RAI2: variants seen among roughly 807,000 people sequenced by gnomAD.
RAI2 encodes the protein retinoic acid induced 2, also known as retinoic acid-induced protein 2.
In RAI2, 5 loss-of-function variants were observed where a neutral mutation model predicts 15.3. The observed-to-expected ratio is 0.33, with a 90% confidence interval of 0.17 to 0.69. RAI2 has a LOEUF of 0.69. RAI2 is among the 30% of genes least tolerant of loss of function. The probability of loss-of-function intolerance (pLI) is 0.69; values close to 1 mark genes in which losing one functional copy is unlikely to be tolerated. For synonymous variants in RAI2, 191 were observed against 184.0 expected (o/e 1.04, Z -0.31); for missense variants, 424 against 424.7 (o/e 1.00, Z 0.01).
Position 17,849,318 on chromosome X carries a change from G to A in RAI2, c.-25+11780C>T, listed in dbSNP as rs1378360340. Among the ~76,000 whole-genome samples the A allele has an allele frequency of 6.2e-5, 7 of 112,655 alleles. No homozygotes were observed. The East Asian group carries it at 1.9e-3, about 31-fold the overall frequency. ...TTCCTCAGCCACTTACTTGTAGCTA[G>A]TGGCTACCATACTGGACTGTGCATA... On this transcript the variant is annotated intron_variant, in intron 1 of 1. Transcript: ENST00000451717.
intron 1 of RAI2, among the ~76,000 whole-genome samples, chrX:17,803,796 C>A (rs2066947643): frequency 9.0e-6 from 1 of 111,612 alleles, no homozygotes; most frequent in African/African-American, 3.3e-5. Context: ...ACCCAGCATG[C>A]TGGCCAGTAA....
Position 17,821,413 on chromosome X carries a change from C to T in RAI2, c.-24-19379G>A, listed in dbSNP as rs761557341. Among the ~76,000 whole-genome samples the T allele has an allele frequency of 1.3e-4, 14 of 110,669 alleles. No homozygotes were observed. In the South Asian group the frequency reaches 3.5e-3, roughly 28 times the overall value. ...TAAGTGGACTGAGAGTGACAGGGAG[C>T]AGGGTGTGGGGAAGGGCCTGCTTTG... is the stretch of plus-strand genomic sequence containing the variant. On this transcript the variant is annotated intron_variant, in intron 1 of 1. Coordinates refer to ENST00000451717, the MANE Select transcript of RAI2 (RefSeq NM_021785.6).
At chrX:17,810,489 T>C (rs775402504) in intron 1 of RAI2, among the ~76,000 whole-genome samples, 5 of 112,606 alleles carry the variant, frequency 4.4e-5, no homozygotes, top group Non-Finnish European at 9.4e-5. Flanking sequence ...TTCATGACTG[T>C]TGGAATGTTG....
At chrX:17,841,227 C>G in intron 1 of RAI2, among the ~76,000 whole-genome samples, 1 of 111,626 alleles carries the variant, frequency 9.0e-6, no homozygotes. Context: ...CAAGCTCTGA[C>G]TTTCACAAGA....
chrX:17,813,425 T>C (rs2067070404), intron 1 of RAI2, among the ~76,000 whole-genome samples: 1 of 111,676 alleles, frequency 9.0e-6, no homozygotes, highest in Non-Finnish European at 1.9e-5. Context: ...AATAAAGCTA[T>C]GGACAAAGAA....
chrX:17,831,005 C>T (rs1427932487), intron 1 of RAI2, among the ~76,000 whole-genome samples: 1 of 111,895 alleles, frequency 8.9e-6, no homozygotes, highest in Non-Finnish European at 1.9e-5. Flanking sequence ...CTAGAAAAAC[C>T]ATCCATCCTC....
At chrX:17,811,629 C>T (rs1292148282) in intron 1 of RAI2, among the ~76,000 whole-genome samples, 5 of 112,007 alleles carry the variant, frequency 4.5e-5, no homozygotes, top group African/African-American at 6.5e-5. Context: ...ACCAGTGTGC[C>T]AGAAATAGAC....
chrX:17,846,990 C>A (rs1296599211), intron 1 of RAI2, among the ~76,000 whole-genome samples: 1 of 111,875 alleles, frequency 8.9e-6, no homozygotes, highest in Non-Finnish European at 1.9e-5. Flanking sequence ...AGTTCCCCTG[C>A]ACAAGCTCTC....
intron 1 of RAI2, among the ~76,000 whole-genome samples, chrX:17,822,269 C>T (rs1176251479): frequency 8.9e-6 from 1 of 111,856 alleles, no homozygotes; most frequent in Non-Finnish European, 1.9e-5. Flanking sequence ...TAAATATTAA[C>T]GTCGGGGTTT....
At chrX:17,826,282 C>G (rs2067225966) in intron 1 of RAI2, among the ~76,000 whole-genome samples, 1 of 110,843 alleles carries the variant, frequency 9.0e-6, no homozygotes, top group African/African-American at 3.3e-5. Flanking sequence ...CCATTTGGAA[C>G]AGTCACCACC....
intron 1 of RAI2, among the ~76,000 whole-genome samples, chrX:17,815,964 T>C (rs2067102803): frequency 1.8e-5 from 2 of 109,901 alleles, no homozygotes; most frequent in South Asian, 4.0e-4. Context: ...TAAAACCGTT[T>C]AATTTGCAGG....
rs1388323943 is a variant in RAI2, at chrX:17,818,327, TTCTG to T, written c.-24-16297_-24-16294del. Among the ~76,000 whole-genome samples, 8 of 111,979 alleles carry T rather than the reference TTCTG, an allele frequency of 7.1e-5. No individual in the cohort carries two copies. The Admixed American group carries it at 7.5e-4, about 11-fold the overall frequency. On this transcript the variant is annotated intron_variant, in intron 1 of 1. Coordinates refer to ENST00000451717, the MANE Select transcript of RAI2 (RefSeq NM_021785.6). Reference sequence around the variant, plus strand: ...ACACTGGCACCTACAGTGGGACATTTTCTGTCTGACTTAGGTGAACCCCTAACCC... The same window carrying T: ...ACACTGGCACCTACAGTGGGACATTTTCTGACTTAGGTGAACCCCTAACCC...
In RAI2 at chrX:17,801,851, G is replaced by A. The variant is rs2066917447; in HGVS notation, c.160C>T (p.Pro54Ser). 1 of 1,208,869 alleles carries A rather than the reference G, an allele frequency of 8.3e-7. No individual in the cohort carries two copies. The highest frequency in any genetic ancestry group is 1.8e-5 in the African/African-American group (1 of 56,731). ...GGGGGGTTCAGAATGGATGGGGCTG[G>A]CACGGTCACCAGGGCCTTCTTTACC... The part of the protein sequence containing the change: ...DLVKKALVTV[P>S]APSILNPPAE... Residue 54 changes from proline (P) to serine (S), a missense_variant, in exon 2 of 2, where the codon CCA (proline) becomes TCA (serine). Physicochemically the swap from Pro to Ser is moderately conservative, Grantham distance 74. Coordinates refer to ENST00000451717, the MANE Select transcript of RAI2 (RefSeq NM_021785.6).
Position 17,800,374 on chromosome X carries a change from C to T in RAI2, c.*44G>A. ...AATGCCTTTTTATAAAACCAATGCA[C>T]CTTTCCCCATATTATAATCATACAA... On this transcript the variant is annotated 3_prime_UTR_variant, in exon 2 of 2. Transcript: ENST00000451717. The T allele has an allele frequency of 3.5e-6, 4 of 1,133,901 alleles. No individual in the cohort carries two copies. The highest frequency in any genetic ancestry group is 3.5e-6 in the Non-Finnish European group (3 of 853,004). 93.4% of individuals were successfully genotyped at this position (1,133,901 alleles called of 1,213,427 possible).
At chrX:17,827,895 A>C (rs190926260) in intron 1 of RAI2, among the ~76,000 whole-genome samples, 2 of 111,177 alleles carry the variant, frequency 1.8e-5, no homozygotes, top group East Asian at 5.7e-4. Context: ...CAGTATCCCT[A>C]CCCCTGCAGG....
intron 1 of RAI2, among the ~76,000 whole-genome samples, chrX:17,849,904 TTC>T (rs768111189): frequency 9.6e-4 from 108 of 112,379 alleles, no homozygotes; most frequent in African/African-American, 2.8e-3. Context: ...TTTTCTTTTC[TTC>T]TCTCTCTTTC....
intron 1 of RAI2, among the ~76,000 whole-genome samples, chrX:17,844,875 T>C (rs1449778792): frequency 8.9e-6 from 1 of 112,033 alleles, no homozygotes; most frequent in African/African-American, 3.2e-5. Context: ...CACTTAATAA[T>C]ATATGCAATT....
chrX:17,825,681 A>C (rs1283040826), intron 1 of RAI2, among the ~76,000 whole-genome samples: 6 of 112,594 alleles, frequency 5.3e-5, no homozygotes, highest in Non-Finnish European at 1.1e-4. Flanking sequence ...TGTCTTAGAT[A>C]CCAAGGATGA....
At chrX:17,831,985 C>T (rs1298574001) in intron 1 of RAI2, among the ~76,000 whole-genome samples, 1 of 112,108 alleles carries the variant, frequency 8.9e-6, no homozygotes, top group Non-Finnish European at 1.9e-5. Context: ...CTTATTGTCT[C>T]TAATCAAAGC....
Sources: allele counts gnomAD v4.1 joint callset (sites outside exome capture counted in the v4.1 genomes callset), GRCh38; gene constraint gnomAD v4.1.1; transcripts MANE v1.5; gene names NCBI Gene and HGNC (gene_info 2026-07-23, HGNC 2026-07-21).